Variants in XPO7 observed in about 807,000 individuals in gnomAD.
XPO7 encodes exportin-7.
XPO7 carries 21 observed loss-of-function variants against 144.3 expected under a neutral mutation model. The observed-to-expected ratio is 0.15, with a 90% CI of 0.10 to 0.21. The LOEUF is 0.21. Ranked by LOEUF, XPO7 falls within the 10% of genes least tolerant of loss-of-function variation. The pLI, the probability that XPO7 is intolerant of heterozygous loss-of-function variation, is 1.00. For synonymous variants in XPO7, 580 were observed against 499.6 expected (o/e 1.16, Z -2.15); for missense variants, 808 against 1,325.8 (o/e 0.61, Z 6.06).
chr8:21,977,975 C>G (rs1812282413), intron 8 of XPO7, 132 bp downstream of exon 8: 3 of 741,910 alleles, frequency 4.0e-6, no homozygotes, highest in Non-Finnish European at 6.3e-6. Context: ...GTTATCTAGT[C>G]TTTTGAGATT....
At chr8:21,971,736 A>G (rs1182423275) in intron 4 of XPO7, 140 bp from the exon 5 acceptor site, 7 of 533,530 alleles carry the variant, frequency 1.3e-5, no homozygotes, top group Non-Finnish European at 2.2e-5. Context: ...CAACAGTTTT[A>G]AACTATGATT....
chr8:21,989,821 CTTTTTTTTTTTTTTTTTTT>C (rs1170364778), intron 16 of XPO7, among the ~76,000 whole-genome samples: 29 of 59,700 alleles, frequency 4.9e-4, no homozygotes, highest in South Asian at 2.3e-3. Flanking sequence ...TAGGTGTTTC[CTTTTTTTTTTTTTTTTTTT>C]TTTTTTTTTT....
At position 22,002,087 on chromosome 8, in the gene XPO7, C is replaced by G. The variant is rs758348045; in HGVS notation, c.2783-25C>G. 7 of 1,591,832 alleles carry G rather than the reference C, an allele frequency of 4.4e-6. No individual in the cohort carries two copies. The South Asian group carries it at 8.0e-5, about 18-fold the overall frequency. On this transcript the variant is annotated intron_variant, in intron 24 of 27. Transcript: ENST00000252512. Reference sequence around the variant, plus strand: ...CCAGGCCACCATCAGCAGCTCTGTCCTACCCCTGCCTTTCTTTCTTGCAGA... The same window carrying G: ...CCAGGCCACCATCAGCAGCTCTGTCGTACCCCTGCCTTTCTTTCTTGCAGA...
chr8:21,987,935 C>A, intron 15 of XPO7, 78 bp downstream of exon 15: 1 of 1,404,762 alleles, frequency 7.1e-7, no homozygotes, highest in Non-Finnish European at 9.9e-7. Context: ...TGGCATTGTG[C>A]TGCCAGTGCC....
chr8:21,927,237 T>G (rs1167416984), intron 1 of XPO7, among the ~76,000 whole-genome samples: 1 of 152,082 alleles, frequency 6.6e-6, no homozygotes, highest in Non-Finnish European at 1.5e-5. Context: ...AAAAAATTAA[T>G]TAATTAATTT....
intron 19 of XPO7, among the ~76,000 whole-genome samples, chr8:21,993,291 C>T (rs1417946618): frequency 6.6e-6 from 1 of 152,170 alleles, no homozygotes; most frequent in Admixed American, 6.5e-5. Flanking sequence ...ACAGCTGTCA[C>T]CCACTTCTTT....
chr8:21,949,541 G>A (rs147914804), intron 1 of XPO7, among the ~76,000 whole-genome samples: 92 of 152,316 alleles, frequency 6.0e-4, no homozygotes, highest in African/African-American at 2.0e-3. Context: ...TCAGTTAAAA[G>A]CAATGTGGTG....
intron 1 of XPO7, among the ~76,000 whole-genome samples, chr8:21,931,689 C>G (rs1047018542): frequency 6.6e-6 from 1 of 152,176 alleles, no homozygotes; most frequent in African/African-American, 2.4e-5. Flanking sequence ...ACTGCTCTGG[C>G]TGCCAATACC....
At position 21,995,477 on chromosome 8, in the gene XPO7, G is replaced by C; in HGVS notation, c.2238-15G>C. On this transcript the variant is annotated splice_polypyrimidine_tract_variant and intron_variant, in intron 20 of 27. Transcript: ENST00000252512. ...TTCTGGAATCAGAAATCTTTCCTTA[G>C]CTTCTCATTTACAGATATCCATCCT... is the stretch of plus-strand genomic sequence containing the variant. The C allele has an allele frequency of 6.3e-7, 1 of 1,587,238 alleles. No individual in the cohort carries two copies.
chr8:21,979,468 C>T (rs1333554318), intron 8 of XPO7, among the ~76,000 whole-genome samples: 5 of 146,836 alleles, frequency 3.4e-5, no homozygotes, highest in Admixed American at 7.0e-5. Flanking sequence ...AGTGCAGTGG[C>T]GCGATCTCGG....
chr8:21,938,606 T>C (rs1361175666), intron 1 of XPO7, among the ~76,000 whole-genome samples: 1 of 152,204 alleles, frequency 6.6e-6, no homozygotes, highest in Non-Finnish European at 1.5e-5. Context: ...CCTCTGCTCC[T>C]TTTTATTTAG....
intron 2 of XPO7, among the ~76,000 whole-genome samples, chr8:21,967,386 A>C (rs1811918271): frequency 6.6e-6 from 1 of 152,172 alleles, no homozygotes; most frequent in Non-Finnish European, 1.5e-5. Context: ...GCTGGAGTGC[A>C]ATGGCGTGAT....
At chr8:21,962,180 G>A (rs764799493) in intron 1 of XPO7, among the ~76,000 whole-genome samples, 3 of 152,248 alleles carry the variant, frequency 2.0e-5, no homozygotes, top group Admixed American at 6.5e-5. Flanking sequence ...AAGAGCAAGC[G>A]AGTTTGCCCT....
chr8:21,967,850 A>G (rs1485097892), intron 2 of XPO7, among the ~76,000 whole-genome samples: 1 of 152,236 alleles, frequency 6.6e-6, no homozygotes, highest in Non-Finnish European at 1.5e-5. Flanking sequence ...TTCCTGAGAT[A>G]CAATTTGAAA....
At chr8:21,924,453 C>G (rs1002203707) in intron 1 of XPO7, among the ~76,000 whole-genome samples, 1 of 151,924 alleles carries the variant, frequency 6.6e-6, no homozygotes, top group African/African-American at 2.4e-5. Context: ...CCCCTCCCCC[C>G]CCCACCCCAC....
At chr8:21,980,769 C>T (rs529014125) in intron 9 of XPO7, among the ~76,000 whole-genome samples, 193 of 148,024 alleles carry the variant, frequency 1.3e-3, no homozygotes, top group African/African-American at 4.5e-3. Flanking sequence ...AGTAAGACTC[C>T]GTCTCAAAAA....
At position 21,970,219 on chromosome 8, in the gene XPO7, A is replaced by T; in HGVS notation, c.335A>T (p.Tyr112Phe). ...TFVTQALIQL[Y>F]ARITKLGWFD... is the part of the protein sequence containing the mutation. Reference sequence around the variant, plus strand: ...GTGACACAAGCACTTATTCAGTTATATGCCAGAATCACAAAACTGGGCTGG... The same window carrying T: ...GTGACACAAGCACTTATTCAGTTATTTGCCAGAATCACAAAACTGGGCTGG... The change falls in exon 4 of 28, where the codon TAT (tyrosine) becomes TTT (phenylalanine). Residue 112 changes from tyrosine (Y) to phenylalanine (F), a missense_variant. Around this residue, in one of 5 missense-constraint regions of XPO7, gnomAD observed 223 missense variants for 368.8 expected, o/e 0.60. Transcript: ENST00000252512. 6.2e-7 allele frequency: 1 copy of T among 1,613,888 alleles called. No homozygotes were observed. The highest frequency in any genetic ancestry group is 8.5e-7 in the Non-Finnish European group (1 of 1,179,858).
chr8:21,981,401 G>A (rs1050943560), intron 9 of XPO7, among the ~76,000 whole-genome samples: 1 of 152,146 alleles, frequency 6.6e-6, no homozygotes, highest in African/African-American at 2.4e-5. Flanking sequence ...GTCTTAGGTC[G>A]TGCCCACTTC....
intron 1 of XPO7, among the ~76,000 whole-genome samples, chr8:21,942,479 T>TA (rs1486404092): frequency 6.6e-5 from 10 of 152,252 alleles, no homozygotes; most frequent in Non-Finnish European, 1.3e-4. Flanking sequence ...ATTTCTTTAA[T>TA]ATGTGTCTTA....
Sources: gnomAD v4.1 joint callset for allele counts (sites outside exome capture counted in the v4.1 genomes callset) on GRCh38, gnomAD v4.1.1 for gene constraint, gnomAD v4.1.1 regional missense constraint, MANE v1.5 for transcripts, NCBI Gene and HGNC (gene_info 2026-07-23, HGNC 2026-07-21) for gene names.